MASP2: variants seen among roughly 807,000 people sequenced by gnomAD.
MASP2 encodes mannan-binding lectin serine protease 2.
In MASP2, 49 loss-of-function variants were observed where a neutral mutation model predicts 57.1. The observed-to-expected ratio is 0.86, with a 90% CI of 0.68 to 1.09. The LOEUF (loss-of-function observed/expected upper bound fraction) is 1.09. Among genes scored for constraint, MASP2 ranks in the 50% least tolerant of loss-of-function variants. MASP2 has a pLI of 0.00. For synonymous variants in MASP2, 379 were observed against 340.8 expected, an observed-to-expected ratio of 1.11 and a Z score of -1.24; for missense variants, 900 against 874.8, an observed-to-expected ratio of 1.03 and a Z score of -0.36.
At chr1:11,039,761 T>C (rs1638362074) in intron 6 of MASP2, among the ~76,000 whole-genome samples, 1 of 147,726 alleles carries the variant, frequency 6.8e-6, no homozygotes, top group South Asian at 2.1e-4. Flanking sequence ...GATAGAAGGA[T>C]GTGTGGGTAG....
intron 10 of MASP2, among the ~76,000 whole-genome samples, chr1:11,029,123 G>T (rs982678428): frequency 5.3e-5 from 8 of 150,776 alleles, no homozygotes; most frequent in Non-Finnish European, 1.2e-4. Context: ...CTCCCGAGTA[G>T]CTGGGACTAC....
chr1:11,036,785 C>T (rs116585704), intron 7 of MASP2, among the ~76,000 whole-genome samples: 2 of 152,078 alleles, frequency 1.3e-5, no homozygotes, highest in South Asian at 2.1e-4. Flanking sequence ...TAAAGCAACA[C>T]GCTAAGCATT....
At chr1:11,027,744 A>G (rs929477641) in intron 10 of MASP2, 96 bp from the exon 11 acceptor site, 2 of 1,315,064 alleles carry the variant, frequency 1.5e-6, no homozygotes, top group South Asian at 1.5e-5. Flanking sequence ...TTTGATGTCA[A>G]CCAAAAATTA....
chr1:11,038,167 T>C (rs771846983), intron 6 of MASP2, among the ~76,000 whole-genome samples: 1 of 152,076 alleles, frequency 6.6e-6, no homozygotes, highest in Non-Finnish European at 1.5e-5. Flanking sequence ...AGGGGAGGCT[T>C]TGGGACTTGC....
Position 11,037,183 on chromosome 1 carries a change from G to A in MASP2, c.1008+510C>T, listed in dbSNP as rs924474390. ...TTCTCCTGCCTCAGCCACCCGAGTA[G>A]CTGGGATTACAGGCGCCCGCCACCT... On this transcript the variant is annotated intron_variant, in intron 7 of 10. Transcript: ENST00000400897. Among the ~76,000 whole-genome samples, 70 of 152,022 alleles carry A rather than the reference G, an allele frequency of 4.6e-4. 1 individual carries two copies. The highest frequency in any genetic ancestry group is 1.2e-4 in the Non-Finnish European group (8 of 67,962).
chr1:11,036,936 T>A (rs1179580892), intron 7 of MASP2, among the ~76,000 whole-genome samples: 1 of 152,166 alleles, frequency 6.6e-6, no homozygotes, highest in Non-Finnish European at 1.5e-5. Flanking sequence ...AGAACTTTAA[T>A]TTGATGCAAG....
At chr1:11,040,054 TG>T (rs1638377479) in intron 6 of MASP2, among the ~76,000 whole-genome samples, 2 of 148,592 alleles carry the variant, frequency 1.3e-5, no homozygotes, top group Admixed American at 6.7e-5. Context: ...GAAGGATGGA[TG>T]GATACATAGA....
At chr1:11,038,929 C>T (rs1302876605) in intron 6 of MASP2, among the ~76,000 whole-genome samples, 1 of 152,132 alleles carries the variant, frequency 6.6e-6, no homozygotes, top group Non-Finnish European at 1.5e-5. Context: ...ATGGTCAGAA[C>T]TCCTTTTTCC....
At chr1:11,044,810 A>AGGTGGG in intron 4 of MASP2, 1 of 1,358,624 alleles carries the variant, frequency 7.4e-7, no homozygotes. Flanking sequence ...GGGTGGGGCC[A>AGGTGGG]GGTTTATTAT....
At chr1:11,028,564 G>GCATA (rs1405391849) in intron 10 of MASP2, among the ~76,000 whole-genome samples, 1 of 151,994 alleles carries the variant, frequency 6.6e-6, no homozygotes, top group Admixed American at 6.6e-5. Context: ...CATTAATGTA[G>GCATA]CATATATGTT....
intron 10 of MASP2, 53 bp downstream of exon 10, chr1:11,030,123 C>G: frequency 7.5e-7 from 1 of 1,341,258 alleles, no homozygotes; most frequent in Non-Finnish European, 1.1e-6. Flanking sequence ...CTGTCTCCTA[C>G]CCAGTCCTCC....
intron 3 of MASP2, chr1:11,045,793 C>A (rs941155289): frequency 1.1e-5 from 6 of 545,658 alleles, no homozygotes; most frequent in African/African-American, 9.4e-5. Flanking sequence ...CCCGAGGTCA[C>A]CCAGCTAATG....
intron 10 of MASP2, chr1:11,029,633 T>TC (rs1643807334): frequency 2.3e-5 from 2 of 87,480 alleles, no homozygotes; most frequent in East Asian, 3.1e-4. Context: ...ATTTTTAAAA[T>TC]CTTTTTTTTT....
At chr1:11,031,241 C>T (rs1243841830) in intron 8 of MASP2, among the ~76,000 whole-genome samples, 4 of 151,152 alleles carry the variant, frequency 2.6e-5, no homozygotes, top group Non-Finnish European at 5.9e-5. Flanking sequence ...GAAAGATCTG[C>T]GGCCGGGCGC....
chr1:11,041,176 T>TTGGA (rs1374208241), intron 6 of MASP2, among the ~76,000 whole-genome samples: 1 of 137,892 alleles, frequency 7.3e-6, no homozygotes, highest in African/African-American at 2.8e-5. Flanking sequence ...GGTAGATGAA[T>TTGGA]TGGATGGATG....
chr1:11,031,262 G>T (rs566775109), intron 8 of MASP2, among the ~76,000 whole-genome samples: 3 of 151,624 alleles, frequency 2.0e-5, no homozygotes, highest in Admixed American at 1.3e-4. Context: ...GATGGCTCAT[G>T]CCTGTAATCC....
At chr1:11,032,926 T>C (rs1643864498) in intron 8 of MASP2, among the ~76,000 whole-genome samples, 1 of 151,636 alleles carries the variant, frequency 6.6e-6, no homozygotes, top group African/African-American at 2.4e-5. Flanking sequence ...AAATAAATAT[T>C]AAAAAGTAAT....
At chr1:11,033,064 C>T (rs1200295542) in intron 8 of MASP2, among the ~76,000 whole-genome samples, 1 of 152,146 alleles carries the variant, frequency 6.6e-6, no homozygotes, top group Non-Finnish European at 1.5e-5. Flanking sequence ...CGCGGTGGCT[C>T]ATGCGTGTAA....
At chr1:11,033,965 A>ACACTCT (rs1445746544) in intron 8 of MASP2, among the ~76,000 whole-genome samples, 1 of 15,434 alleles carries the variant, frequency 6.5e-5, no homozygotes, top group Non-Finnish European at 1.8e-4. Context: ...ACACACACAC[A>ACACTCT]CTCTCTCTCT....
Sources: allele counts gnomAD v4.1 joint callset (sites outside exome capture counted in the v4.1 genomes callset), GRCh38; gene constraint gnomAD v4.1.1; transcripts MANE v1.5; gene names NCBI Gene and HGNC (gene_info 2026-07-23, HGNC 2026-07-21).